PTPN1: variants seen among roughly 807,000 people sequenced by gnomAD.
PTPN1 encodes protein tyrosine phosphatase non-receptor type 1, also known as tyrosine-protein phosphatase non-receptor type 1.
Under a neutral mutation model 59.9 loss-of-function variants are expected in PTPN1, and 12 were observed. That is an observed-to-expected ratio of 0.20 (90% CI 0.13 to 0.32). The LOEUF is 0.32. PTPN1 is among the 10% of genes least tolerant of loss of function. PTPN1 has a pLI of 1.00. For synonymous variants in PTPN1, 178 were observed against 203.6 expected (o/e 0.87, Z 1.07); for missense variants, 356 against 549.2 (o/e 0.65, Z 3.52).
rs762446257 is a variant in PTPN1 at position 50,574,608 on chromosome 20, T to C, written c.446T>C (p.Ile149Thr). ...NLKLTLISED[I>T]KSYYTVRQLE... ...AAATTAACATTGATCTCTGAAGATA[T>C]CAAGTCATATTATACAGTGCGACAG... Residue 149 changes from isoleucine (I) to threonine (T), a missense_variant, in exon 5 of 10, where the codon ATC becomes ACC. Ile to Thr is a moderately conservative substitution (Grantham distance 89, BLOSUM62 -1). Around this residue, in one of 3 missense-constraint regions of PTPN1, gnomAD observed 194 missense variants for 344.2 expected, o/e 0.56. Coordinates refer to ENST00000371621, the MANE Select transcript of PTPN1 (RefSeq NM_002827.4). The C allele has an allele frequency of 3.7e-6, 6 of 1,608,182 alleles. No homozygotes were observed. In the African/African-American group the frequency reaches 4.0e-5, roughly 11 times the overall value.
At chr20:50,560,817 G>C (rs2082748758) in intron 1 of PTPN1, among the ~76,000 whole-genome samples, 1 of 152,106 alleles carries the variant, frequency 6.6e-6, no homozygotes, top group Non-Finnish European at 1.5e-5. Context: ...TTTTAGGTGT[G>C]ATCAGGAGCC....
rs1283818305 is a variant in PTPN1 at position 50,578,695 on chromosome 20, A to G, written c.702+66A>G. 4 of 1,380,402 alleles carry G rather than the reference A, an allele frequency of 2.9e-6. No individual in the cohort carries two copies. The Admixed American group carries it at 9.1e-5, about 31-fold the overall frequency. 85.5% of individuals were successfully genotyped at this position (1,380,402 alleles called of 1,614,324 possible). On this transcript the variant is annotated intron_variant, in intron 6 of 9. Transcript: ENST00000371621. ...CTGCTCTGCTGTGATGTTTTTTCCT[A>G]AGTAGAAACTGAAGCGCTCCTCTTC... is the stretch of plus-strand genomic sequence containing the variant.
rs766045544 is a variant in PTPN1, at chr20:50,561,490, C to G, written c.154+37C>G. The G allele has an allele frequency of 2.8e-6, 4 of 1,408,598 alleles. No homozygotes were observed. In the East Asian group the frequency reaches 9.2e-5, roughly 32 times the overall value. 87.3% of individuals were successfully genotyped at this position (1,408,598 alleles called of 1,614,324 possible). A position where few individuals can be genotyped will look rare whatever the true frequency, so the allele number is the denominator to read the frequency against. ...CGTGGCCGGTACCAGTCTTGCTCTT[C>G]CTTTGCTGCAGGCCTTTTTAGTCAA... On this transcript the variant is annotated intron_variant, in intron 2 of 9. Transcript: ENST00000371621.
At chr20:50,522,400 T>A (rs1284145321) in intron 1 of PTPN1, among the ~76,000 whole-genome samples, 1 of 152,246 alleles carries the variant, frequency 6.6e-6, no homozygotes, top group African/African-American at 2.4e-5. Flanking sequence ...AGGTTTTTAA[T>A]GACTTGCTTT....
At chr20:50,565,122 T>C (rs2082772876) in intron 3 of PTPN1, 53 bp downstream of exon 3, 2 of 1,554,598 alleles carry the variant, frequency 1.3e-6, no homozygotes, top group Non-Finnish European at 1.8e-6. Flanking sequence ...AGTTTGAGAG[T>C]GCTGTTATCC....
intron 1 of PTPN1, among the ~76,000 whole-genome samples, chr20:50,537,755 C>T (rs143416770): frequency 1.9e-3 from 285 of 152,214 alleles, no homozygotes; most frequent in African/African-American, 6.4e-3. Flanking sequence ...TGTTTAGATA[C>T]GGTTTAGCCA....
In PTPN1 at chr20:50,582,654, G is replaced by T; in HGVS notation, c.1285-38G>T. 6.2e-7 allele frequency: 1 copy of T among 1,611,216 alleles called. No individual in the cohort carries two copies. ...CATGAGGCGACAGCTCTGCAGGTGC[G>T]GGTCTGGGCTCATCTGAACTGTTTG... On this transcript the variant is annotated intron_variant, in intron 9 of 9. Transcript: ENST00000371621. This position sits in a 1 kb window ranked among gnomAD's most constrained non-coding sequence, Gnocchi z 4.2.
At chr20:50,575,445 G>A (rs2082832084) in intron 5 of PTPN1, among the ~76,000 whole-genome samples, 1 of 152,210 alleles carries the variant, frequency 6.6e-6, no homozygotes, top group Non-Finnish European at 1.5e-5. Context: ...TATACGGGAA[G>A]GGTTAGCAGT....
chr20:50,582,829 G>C lies in PTPN1; in HGVS notation c.*114G>C. 1.5e-6 allele frequency: 2 copies of C among 1,346,562 alleles called. No homozygotes were observed. Among genetic ancestry groups the C allele is most frequent in the Non-Finnish European group, 2.1e-6 (2 of 958,084 alleles). 83.4% of individuals were successfully genotyped at this position (1,346,562 alleles called of 1,614,324 possible). A position where few individuals can be genotyped will look rare whatever the true frequency, so the allele number is the denominator to read the frequency against. ...GGGCCGCCGGACCGCGTAGAGAGCC[G>C]GGCCCCGGACGGACGTTGGTTCTGC... On this transcript the variant is annotated 3_prime_UTR_variant, in exon 10 of 10. Transcript: ENST00000371621. This position sits in a 1 kb window ranked among gnomAD's most constrained non-coding sequence, Gnocchi z 4.2.
intron 1 of PTPN1, 27 bp downstream of exon 1, chr20:50,510,617 G>C: frequency 1.3e-6 from 2 of 1,548,998 alleles, no homozygotes; most frequent in Non-Finnish European, 8.7e-7. Context: ...GAGCGTGGCG[G>C]GCCCTTCGCT....
chr20:50,525,921 G>C (rs1353246196), intron 1 of PTPN1, among the ~76,000 whole-genome samples: 1 of 152,126 alleles, frequency 6.6e-6, no homozygotes, highest in Non-Finnish European at 1.5e-5. Flanking sequence ...GTCGCAGGGG[G>C]AGGCAGCAGT....
At position 50,584,500 on chromosome 20, in the gene PTPN1, C is replaced by T. The variant is rs2082887933; in HGVS notation, c.*1785C>T. ...TATATGCCTTAAGCCAATATTTACT[C>T]ATCAGGTCATTATTTTTTACAATGG... On this transcript the variant is annotated 3_prime_UTR_variant, in exon 10 of 10. Transcript: ENST00000371621. 1 of 152,474 alleles carries T rather than the reference C, an allele frequency of 6.6e-6. No individual in the cohort carries two copies. The highest frequency in any genetic ancestry group is 2.4e-5 in the African/African-American group (1 of 41,382). 9.4% of individuals were successfully genotyped at this position (152,474 alleles called of 1,614,324 possible). A position where few individuals can be genotyped will look rare whatever the true frequency, so the allele number is the denominator to read the frequency against.
intron 1 of PTPN1, among the ~76,000 whole-genome samples, chr20:50,535,293 C>T (rs942815142): frequency 2.6e-5 from 4 of 152,156 alleles, no homozygotes; most frequent in African/African-American, 9.7e-5. Flanking sequence ...CCTTGATCTC[C>T]TGGCCAGGTC....
At position 50,535,992 on chromosome 20, in the gene PTPN1, T is replaced by G. The variant is rs550830877; in HGVS notation, c.64-25371T>G. 2.0e-5 allele frequency among the ~76,000 whole-genome samples: 3 copies of G among 152,308 alleles called. No individual in the cohort carries two copies. In the South Asian group the frequency reaches 6.2e-4, roughly 32 times the overall value. Reference sequence around the variant, plus strand: ...GTTGAAAAGAGAAAAGAGGTTAAAATCTAGGCATTAAAATGTGTAAGGCTT... The same window carrying G: ...GTTGAAAAGAGAAAAGAGGTTAAAAGCTAGGCATTAAAATGTGTAAGGCTT... On this transcript the variant is annotated intron_variant, in intron 1 of 9. Transcript: ENST00000371621.
rs150611359 is a variant in PTPN1 at position 50,515,940 on chromosome 20, A to G, written c.63+5350A>G. ...TGCCTGCTGCAGTGGCTTTGGAAGA[A>G]AGGCTGGCATTCTTAGCCAGTAGAA... On this transcript the variant is annotated intron_variant, in intron 1 of 9. Transcript: ENST00000371621. 1.1e-3 allele frequency among the ~76,000 whole-genome samples: 162 copies of G among 152,336 alleles called. 1 individual carries two copies. Among genetic ancestry groups the G allele is most frequent in the Middle Eastern group, 3.4e-3 (1 of 294 alleles).
intron 1 of PTPN1, among the ~76,000 whole-genome samples, chr20:50,561,089 A>T (rs1018123029): frequency 2.6e-5 from 4 of 152,000 alleles, no homozygotes; most frequent in Non-Finnish European, 5.9e-5. Context: ...TCCAGCCCCC[A>T]TGCCTTTGCT....
chr20:50,573,190 C>T (rs371424092), intron 4 of PTPN1: 32 of 152,404 alleles, frequency 2.1e-4, no homozygotes, highest in African/African-American at 7.2e-4. Flanking sequence ...CCTGGCTCCT[C>T]ATTGCCCCCA....
chr20:50,564,594 CAA>C (rs1002634349), intron 2 of PTPN1, among the ~76,000 whole-genome samples: 1 of 147,976 alleles, frequency 6.8e-6, no homozygotes. Context: ...ACTCTTGACT[CAA>C]AAAAAAAAGT....
chr20:50,551,317 A>T (rs1049908840), intron 1 of PTPN1, among the ~76,000 whole-genome samples: 5 of 152,232 alleles, frequency 3.3e-5, no homozygotes, highest in African/African-American at 1.2e-4. Context: ...TCTCCAGCTC[A>T]GCAGATGCTT....
Sources: allele counts gnomAD v4.1 joint callset (sites outside exome capture counted in the v4.1 genomes callset), GRCh38; gene constraint gnomAD v4.1.1; regional missense constraint gnomAD v4.1.1; non-coding constraint Gnocchi (gnomAD v3.1); transcripts MANE v1.5; gene names NCBI Gene and HGNC (gene_info 2026-07-23, HGNC 2026-07-21).